Variants in DCC observed in about 807,000 individuals in gnomAD.
DCC encodes the protein DCC netrin 1 receptor, also known as netrin receptor DCC.
A neutral mutation model predicts 172.5 loss-of-function variants in DCC; 58 were observed. That is an observed-to-expected ratio of 0.34 (90% CI 0.27 to 0.42). The LOEUF (loss-of-function observed/expected upper bound fraction) is 0.42. Among genes scored for constraint, DCC ranks in the 10% least tolerant of loss-of-function variants. The pLI, the probability that DCC is intolerant of heterozygous loss-of-function variation, is 1.00. For missense variants in DCC, 1,740 were observed against 1,791.0 expected (o/e 0.97, Z 0.51); for synonymous variants, 709 against 644.5 (o/e 1.10, Z -1.52).
At chr18:52,455,898 C>A (rs1988442850) in intron 1 of DCC, among the ~76,000 whole-genome samples, 1 of 152,160 alleles carries the variant, frequency 6.6e-6, no homozygotes, top group African/African-American at 2.4e-5. Flanking sequence ...CCCTACCCTA[C>A]TTCCGTATGT....
rs144599630 is a variant in DCC, at chr18:53,126,408, G to C, written c.1262-30948G>C. On this transcript the variant is annotated intron_variant, in intron 7 of 28. Coordinates refer to ENST00000442544, the MANE Select transcript of DCC (RefSeq NM_005215.4). ...TGATGCAACCTTTGCAAGCTGGAAAGCACTTTCCTCTTATTTTATCATGGA... is the reference window on the plus strand; with the variant it reads ...TGATGCAACCTTTGCAAGCTGGAAACCACTTTCCTCTTATTTTATCATGGA... Among the ~76,000 whole-genome samples the C allele has an allele frequency of 2.0e-5, 3 of 152,222 alleles. No individual in the cohort carries two copies. The East Asian group carries it at 5.8e-4, about 29-fold the overall frequency.
intron 1 of DCC, among the ~76,000 whole-genome samples, chr18:52,659,812 A>G (rs1329128477): frequency 6.6e-6 from 1 of 152,046 alleles, no homozygotes; most frequent in Non-Finnish European, 1.5e-5. Context: ...GCCTTGCAAC[A>G]ATGCACGTTC....
intron 25 of DCC, among the ~76,000 whole-genome samples, chr18:53,484,604 T>C (rs966885855): frequency 6.6e-6 from 1 of 152,110 alleles, no homozygotes; most frequent in Non-Finnish European, 1.5e-5. Context: ...TGTTAATTTT[T>C]CTGTATGGTG....
At chr18:52,473,505 G>A (rs1989004351) in intron 1 of DCC, among the ~76,000 whole-genome samples, 1 of 152,152 alleles carries the variant, frequency 6.6e-6, no homozygotes, top group Admixed American at 6.6e-5. Flanking sequence ...TCAAAGTTCT[G>A]CAGGTCTGGG....
chr18:52,398,156 C>G (rs1986302586), intron 1 of DCC, among the ~76,000 whole-genome samples: 1 of 148,436 alleles, frequency 6.7e-6, no homozygotes, highest in Non-Finnish European at 1.5e-5. Context: ...TAGGATAGAG[C>G]TAATTTACTG....
intron 7 of DCC, among the ~76,000 whole-genome samples, chr18:53,095,792 C>T (rs1310190000): frequency 9.5e-5 from 12 of 126,234 alleles, no homozygotes; most frequent in East Asian, 5.1e-4. Context: ...ATATGGATAT[C>T]TTTTTTTTTT....
Position 52,544,158 on chromosome 18 carries a change from G to A in DCC, c.91+203280G>A, listed in dbSNP as rs535088090. ...AAAAATGTATGCTTATCCCACCCGT[G>A]CCTAAAATAGCTTTCATGAATGTGA... On this transcript the variant is annotated intron_variant, in intron 1 of 28. Transcript: ENST00000442544. 2.5e-3 allele frequency among the ~76,000 whole-genome samples: 374 copies of A among 152,274 alleles called. 1 individual carries two copies. Among genetic ancestry groups the A allele is most frequent in the African/African-American group, 8.8e-3 (364 of 41,556 alleles).
chr18:52,751,118 A>G (rs150214442), intron 1 of DCC, among the ~76,000 whole-genome samples: 3 of 152,336 alleles, frequency 2.0e-5, no homozygotes, highest in African/African-American at 7.2e-5. Context: ...GACATTGTAG[A>G]ATCTCTAGCC....
At position 53,467,885 on chromosome 18, in the gene DCC, A is replaced by AT; in HGVS notation, c.3620-3dup. The AT allele has an allele frequency of 6.8e-7, 1 of 1,460,346 alleles. No individual in the cohort carries two copies. Among genetic ancestry groups the AT allele is most frequent in the Non-Finnish European group, 9.6e-7 (1 of 1,039,536 alleles). 90.5% of individuals were successfully genotyped at this position (1,460,346 alleles called of 1,614,324 possible). On this transcript the variant is annotated splice_polypyrimidine_tract_variant and intron_variant, in intron 24 of 28. Coordinates refer to ENST00000442544, the MANE Select transcript of DCC (RefSeq NM_005215.4). ...GAGGGCATGTTTCTCAGGAGTGTGT[A>AT]TTTTTTAGGTCAAGACACTGAGGAA...
intron 15 of DCC, among the ~76,000 whole-genome samples, chr18:53,371,516 G>A (rs1255106901): frequency 6.6e-6 from 1 of 151,858 alleles, no homozygotes; most frequent in African/African-American, 2.4e-5. Context: ...AAATGTTTTT[G>A]GTCACAGCTA....
rs1188679677 is a variant in DCC, at chr18:53,496,807, AAC to A, written c.3899-2487_3899-2486del. 1.3e-5 allele frequency among the ~76,000 whole-genome samples: 2 copies of A among 152,254 alleles called. 1 individual carries two copies. The highest frequency in any genetic ancestry group is 2.9e-5 in the Non-Finnish European group (2 of 68,044). On this transcript the variant is annotated intron_variant, in intron 26 of 28. Coordinates refer to ENST00000442544, the MANE Select transcript of DCC (RefSeq NM_005215.4). ...CATAAATTACCTGATGGAGCTGAAA[AAC>A]ACAGCACAAGAACCTCGTGAAGCAT...
intron 7 of DCC, among the ~76,000 whole-genome samples, chr18:53,154,799 G>C (rs1241162014): frequency 6.6e-6 from 1 of 152,166 alleles, no homozygotes; most frequent in African/African-American, 2.4e-5. Context: ...AGGAGAAGCA[G>C]GCTGAGGGGG....
At chr18:53,283,724 A>G (rs1303834727) in intron 12 of DCC, among the ~76,000 whole-genome samples, 3 of 152,228 alleles carry the variant, frequency 2.0e-5, no homozygotes, top group Admixed American at 6.5e-5. Flanking sequence ...GCATGTAAGA[A>G]CATGTATATA....
chr18:52,525,092 T>C (rs1362815168), intron 1 of DCC, among the ~76,000 whole-genome samples: 1 of 152,046 alleles, frequency 6.6e-6, no homozygotes, highest in Non-Finnish European at 1.5e-5. Context: ...CATATATATA[T>C]CCTTACCATT....
intron 12 of DCC, among the ~76,000 whole-genome samples, chr18:53,226,184 T>C (rs1374166871): frequency 1.3e-5 from 2 of 152,030 alleles, no homozygotes; most frequent in Non-Finnish European, 2.9e-5. Flanking sequence ...GGCCCAATGC[T>C]AAGGGAAGGG....
In DCC at chr18:53,271,504, G is replaced by A. The variant is rs865834052; in HGVS notation, c.1912-34074G>A. ...TTCATCTGCAAGTTTGACTGGGGAA[G>A]GTCTGCTTCAAAGCTCATACATTTG... On this transcript the variant is annotated intron_variant, in intron 12 of 28. Transcript: ENST00000442544. Among the ~76,000 whole-genome samples, 3 of 152,140 alleles carry A rather than the reference G, an allele frequency of 2.0e-5. No homozygotes were observed. The East Asian group carries it at 5.8e-4, about 29-fold the overall frequency.
At chr18:52,847,425 AG>A (rs2038911819) in intron 2 of DCC, among the ~76,000 whole-genome samples, 1 of 152,186 alleles carries the variant, frequency 6.6e-6, no homozygotes, top group East Asian at 1.9e-4. Flanking sequence ...ACAACACTCA[AG>A]GGCTCAGAAC....
intron 12 of DCC, among the ~76,000 whole-genome samples, chr18:53,245,139 T>C (rs1443815349): frequency 6.6e-6 from 1 of 152,126 alleles, no homozygotes; most frequent in Admixed American, 6.6e-5. Context: ...AGAATTCACC[T>C]AATTCACCCC....
chr18:52,730,190 G>A (rs2036616349), intron 1 of DCC, among the ~76,000 whole-genome samples: 1 of 152,120 alleles, frequency 6.6e-6, no homozygotes. Context: ...CCACACCAGA[G>A]AACACTGGCA....
Sources: gnomAD v4.1 joint callset for allele counts (sites outside exome capture counted in the v4.1 genomes callset) on GRCh38, gnomAD v4.1.1 for gene constraint, MANE v1.5 for transcripts, NCBI Gene and HGNC (gene_info 2026-07-23, HGNC 2026-07-21) for gene names.